The following USP20 variants were observed in gnomAD, a reference collection of about 807,000 sequenced individuals.
USP20 encodes the protein ubiquitin carboxyl-terminal hydrolase 20.
In USP20, 80 loss-of-function variants were observed where a neutral mutation model predicts 124.2. The observed-to-expected ratio is 0.64, with a 90% CI of 0.54 to 0.78. The LOEUF is 0.78. Among genes scored for constraint, USP20 ranks in the 30% least tolerant of loss-of-function variants. The probability of loss-of-function intolerance (pLI) is 0.00; values close to 1 mark genes in which losing one functional copy is unlikely to be tolerated. For synonymous variants in USP20, 481 were observed against 512.3 expected, an observed-to-expected ratio of 0.94 and a Z score of 0.83; for missense variants, 1,043 against 1,244.4, an observed-to-expected ratio of 0.84 and a Z score of 2.44.
chr9:129,864,786 A>C (rs1052180054), intron 9 of USP20, among the ~76,000 whole-genome samples: 1 of 151,930 alleles, frequency 6.6e-6, no homozygotes, highest in East Asian at 1.9e-4. Flanking sequence ...AAAAAAAAAA[A>C]AAAAAACCCA....
intron 1 of USP20, among the ~76,000 whole-genome samples, chr9:129,840,563 C>A (rs539852947): frequency 2.3e-4 from 35 of 152,256 alleles, no homozygotes; most frequent in African/African-American, 8.4e-4. Flanking sequence ...CCCACATACC[C>A]CTCACCTAGA....
Position 129,871,498 on chromosome 9 carries a change from C to G in USP20, c.1660+951C>G, listed in dbSNP as rs2034126923. On this transcript the variant is annotated intron_variant, in intron 15 of 25. Coordinates refer to ENST00000372429, the MANE Select transcript of USP20 (RefSeq NM_001110303.4). ...CTGCTCTGACCATGGGTGTGCACAC[C>G]TCTCTTCTTTCATCCCTTTGGGTCT... Among the ~76,000 whole-genome samples the G allele has an allele frequency of 2.0e-5, 3 of 152,058 alleles. No homozygotes were observed. In the South Asian group the frequency reaches 6.2e-4, roughly 32 times the overall value.
chr9:129,876,830 GA>G (rs2034430888), intron 22 of USP20, among the ~76,000 whole-genome samples: 1 of 152,050 alleles, frequency 6.6e-6, no homozygotes, highest in African/African-American at 2.4e-5. Flanking sequence ...ATTTTGGGCT[GA>G]ATTATTCTTT....
intron 11 of USP20, 60 bp from the exon 12 acceptor site, chr9:129,868,802 G>A: frequency 2.7e-6 from 4 of 1,504,348 alleles, no homozygotes; most frequent in Non-Finnish European, 3.5e-6. Context: ...TCATCTTCCT[G>A]CCCACTCGTG....
rs1302317098 is a variant in USP20, at chr9:129,879,726, G to C, written c.2584+82G>C. ...GCTGCCCAGTCCCGTCCTTCCAGGA[G>C]CCCCCTTACCACCTGTCTTAGAGTC... On this transcript the variant is annotated intron_variant, in intron 24 of 25. Coordinates refer to ENST00000372429, the MANE Select transcript of USP20 (RefSeq NM_001110303.4). The surrounding 1 kb of genome is among the most constrained non-coding windows in gnomAD (Gnocchi z 4.2). The C allele has an allele frequency of 4.0e-6, 6 of 1,509,276 alleles. No homozygotes were observed. Among genetic ancestry groups the C allele is most frequent in the Non-Finnish European group, 3.7e-6 (4 of 1,089,706 alleles). The allele number at this position is 1,509,276 out of a possible 1,614,324, so 93.5% of individuals were successfully genotyped here.
At chr9:129,873,178 G>T (rs770766647) in intron 15 of USP20, among the ~76,000 whole-genome samples, 10 of 127,428 alleles carry the variant, frequency 7.8e-5, no homozygotes, top group Non-Finnish European at 1.4e-4. Context: ...GAGCCCCCCA[G>T]GTTCGAGCGA....
chr9:129,870,852 T>A (rs191410427), intron 15 of USP20, among the ~76,000 whole-genome samples: 2 of 152,380 alleles, frequency 1.3e-5, no homozygotes, highest in Admixed American at 1.3e-4. Flanking sequence ...GATGAGTTTC[T>A]ACATTTTTTG....
chr9:129,873,467 G>A lies in USP20; in HGVS notation c.1661-15G>A. ...CATCCTTGCTAACCTCTGACCCTTT[G>A]TTTTACTGCCCTAGGTGACAACATG... On this transcript the variant is annotated splice_polypyrimidine_tract_variant and intron_variant, in intron 15 of 25. Coordinates refer to ENST00000372429, the MANE Select transcript of USP20 (RefSeq NM_001110303.4). The A allele has an allele frequency of 6.2e-7, 1 of 1,614,116 alleles. No individual in the cohort carries two copies. Among genetic ancestry groups the A allele is most frequent in the African/African-American group, 1.3e-5 (1 of 75,024 alleles).
intron 1 of USP20, among the ~76,000 whole-genome samples, chr9:129,841,377 A>C (rs1564194368): frequency 1.3e-5 from 2 of 152,152 alleles, no homozygotes; most frequent in Non-Finnish European, 2.9e-5. Context: ...TAACTTAATT[A>C]CCTCTTTAAA....
chr9:129,880,000 T>C lies in USP20; in HGVS notation c.2585-113T>C. The C allele has an allele frequency of 7.6e-7, 1 of 1,309,366 alleles. No individual in the cohort carries two copies. The highest frequency in any genetic ancestry group is 1.0e-6 in the Non-Finnish European group (1 of 955,862). The allele number at this position is 1,309,366 out of a possible 1,614,324, so 81.1% of individuals were successfully genotyped here. A position where few individuals can be genotyped will look rare whatever the true frequency, so the allele number is the denominator to read the frequency against. ...ATCTGACAGCTTTGCATAGAAGCCC[T>C]GGTTGCCGTCTTCCCGCTTCGGGGC... is the stretch of plus-strand genomic sequence containing the variant. On this transcript the variant is annotated intron_variant, in intron 24 of 25. Coordinates refer to ENST00000372429, the MANE Select transcript of USP20 (RefSeq NM_001110303.4). This position sits in a 1 kb window ranked among gnomAD's most constrained non-coding sequence, Gnocchi z 4.2.
chr9:129,868,293 A>G lies in USP20; in HGVS notation c.979A>G (p.Met327Val). The stretch of plus-strand genomic sequence containing the variant: ...CCGAGCCATCTCTGAGAAGGAGCGG[A>G]TGAAGGACCGCAAGTTCTCCTGGGG... ...AGRAISEKER[M>V]KDRKFSWGQQ... Residue 327 changes from methionine to valine, a missense_variant, in exon 11 of 26, where the codon ATG becomes GTG. Met to Val is a conservative substitution (Grantham distance 21). Transcript: ENST00000372429. The G allele has an allele frequency of 3.1e-6, 5 of 1,613,970 alleles. No individual in the cohort carries two copies. The highest frequency in any genetic ancestry group is 4.2e-6 in the Non-Finnish European group (5 of 1,179,966).
At position 129,874,626 on chromosome 9, in the gene USP20, C is replaced by G. The variant is rs750505409; in HGVS notation, c.1791C>G (p.Phe597Leu). 6.2e-7 allele frequency: 1 copy of G among 1,613,884 alleles called. No homozygotes were observed. Among genetic ancestry groups the G allele is most frequent in the South Asian group, 1.1e-5 (1 of 91,088 alleles). The stretch of plus-strand genomic sequence containing the variant: ...TTCGGCACGAGGTGATGTACTCATT[C>G]AAGATCAACAGCCACGTCTCCTTCC... ...KRFRHEVMYSFKINSHVSFPL... is the reference protein window; with the variant it reads ...KRFRHEVMYSLKINSHVSFPL... Residue 597 changes from phenylalanine (F) to leucine (L), a missense_variant, in exon 18 of 26, where the codon TTC (phenylalanine) becomes TTG (leucine). Phe to Leu is a conservative substitution (Grantham distance 22). Coordinates refer to ENST00000372429, the MANE Select transcript of USP20 (RefSeq NM_001110303.4).
chr9:129,846,413 A>G (rs1396710503), intron 1 of USP20, among the ~76,000 whole-genome samples: 1 of 149,688 alleles, frequency 6.7e-6, no homozygotes, highest in East Asian at 2.0e-4. Context: ...GTGCACCACC[A>G]TGCCCACCTA....
At chr9:129,873,164 C>G (rs868015379) in intron 15 of USP20, among the ~76,000 whole-genome samples, 34 of 149,902 alleles carry the variant, frequency 2.3e-4, no homozygotes, top group Middle Eastern at 3.4e-3. Flanking sequence ...GCAGCCTCTG[C>G]CCCGAGCCCC....
Position 129,869,426 on chromosome 9 carries a change from G to A in USP20, c.1392+1G>A, listed in dbSNP as rs1475238047. 3.1e-6 allele frequency: 5 copies of A among 1,613,322 alleles called. No homozygotes were observed. The highest frequency in any genetic ancestry group is 4.2e-6 in the Non-Finnish European group (5 of 1,179,800). ...TGTGCAGTGTCTCACCTGTGACCGG[G>A]TGGGTGCCCCAGGGATGGGGGGAGC... On this transcript the variant is annotated splice_donor_variant, in intron 13 of 25. Coordinates refer to ENST00000372429, the MANE Select transcript of USP20 (RefSeq NM_001110303.4). LOFTEE classifies it high-confidence loss of function.
Position 129,869,832 on chromosome 9 carries a change from A to C in USP20, c.1553A>C (p.Glu518Ala). The C allele has an allele frequency of 6.2e-7, 1 of 1,613,744 alleles. No homozygotes were observed. The highest frequency in any genetic ancestry group is 8.5e-7 in the Non-Finnish European group (1 of 1,179,970). The change falls in exon 14 of 26, where the codon GAG (glutamate) becomes GCG (alanine). Residue 518 changes from glutamate (E) to alanine (A), a missense_variant. By Grantham distance (107) the Glu-to-Ala change is moderately radical. Transcript: ENST00000372429. ...AAQGWLAFIV[E>A]YIRRFVVSCT... is the part of the protein sequence containing the mutation. Reference sequence around the variant, plus strand: ...CAGGGCTGGCTGGCCTTCATTGTGGAGTACATCCGACGGTGCGCCCACCTT... The same window carrying C: ...CAGGGCTGGCTGGCCTTCATTGTGGCGTACATCCGACGGTGCGCCCACCTT...
intron 4 of USP20, 98 bp downstream of exon 4, chr9:129,856,458 C>G: frequency 2.1e-6 from 3 of 1,405,758 alleles, no homozygotes; most frequent in Non-Finnish European, 2.0e-6. Context: ...GGGCTGGGAA[C>G]TTCCATCCCT....
chr9:129,876,089 C>T (rs2034392217), intron 21 of USP20, 41 bp from the exon 22 acceptor site: 1 of 1,555,218 alleles, frequency 6.4e-7, no homozygotes, highest in Admixed American at 1.8e-5. Context: ...CTCCCTGGTA[C>T]CCCGCTCAGG....
intron 1 of USP20, among the ~76,000 whole-genome samples, chr9:129,843,846 T>C (rs946815010): frequency 1.3e-5 from 2 of 152,204 alleles, no homozygotes; most frequent in Admixed American, 1.3e-4. Flanking sequence ...GGCAGATTGC[T>C]TGAACCCAGG....
Sources: gnomAD v4.1 joint callset for allele counts (sites outside exome capture counted in the v4.1 genomes callset) on GRCh38, gnomAD v4.1.1 for gene constraint, Gnocchi (gnomAD v3.1) non-coding constraint, MANE v1.5 for transcripts, NCBI Gene and HGNC (gene_info 2026-07-23, HGNC 2026-07-21) for gene names.